Variants in SLC22A13 observed in about 807,000 individuals in gnomAD.
SLC22A13 encodes solute carrier family 22 member 13, also known as organic anion transporter 10.
A neutral mutation model predicts 49.1 loss-of-function variants in SLC22A13; 42 were observed. The observed-to-expected ratio is 0.85, with a 90% CI of 0.67 to 1.11. The LOEUF is 1.11. Ranked by LOEUF, SLC22A13 falls within the 50% of genes least tolerant of loss-of-function variation. SLC22A13 has a pLI of 0.00. For synonymous variants in SLC22A13, 282 were observed against 293.1 expected (o/e 0.96, Z 0.39); for missense variants, 694 against 712.8 (o/e 0.97, Z 0.30).
chr3:38,271,879 A>G (rs1703526992), intron 1 of SLC22A13, among the ~76,000 whole-genome samples: 2 of 152,102 alleles, frequency 1.3e-5, no homozygotes, highest in South Asian at 4.1e-4. Flanking sequence ...TAGGGGAGGG[A>G]TCCGGGATGG....
chr3:38,273,185 C>T (rs1347756878), intron 1 of SLC22A13, among the ~76,000 whole-genome samples: 2 of 152,130 alleles, frequency 1.3e-5, no homozygotes, highest in Admixed American at 6.5e-5. Flanking sequence ...CCCTAAGGGG[C>T]CCACAAACCC....
chr3:38,275,187 C>T, intron 4 of SLC22A13, 30 bp downstream of exon 4: 31 of 1,612,594 alleles, frequency 1.9e-5, no homozygotes, highest in Non-Finnish European at 2.5e-5. Context: ...GGAGCAAGCC[C>T]CCCCAGGTTA....
chr3:38,274,239 C>T, intron 1 of SLC22A13, 33 bp from the exon 2 acceptor site: 1 of 1,521,304 alleles, frequency 6.6e-7, no homozygotes, highest in Non-Finnish European at 9.1e-7. Context: ...TCCTTGCAGC[C>T]CCTGGACTCA....
At chr3:38,272,597 A>G (rs1212205549) in intron 1 of SLC22A13, among the ~76,000 whole-genome samples, 1 of 152,184 alleles carries the variant, frequency 6.6e-6, no homozygotes, top group East Asian at 1.9e-4. Context: ...CTAGACAAAA[A>G]CCAAACAGGA....
chr3:38,275,935 G>T lies in SLC22A13; in HGVS notation c.1076G>T (p.Gly359Val), dbSNP rs1456514391. The part of the protein sequence containing the change: ...YGLSLQVGDF[G>V]LDVYLTQLIF... ...CTGAGCCTCCAAGTGGGGGACTTCG[G>T]CCTGGACGTCTATCTGACGCAGCTC... Residue 359 changes from glycine (G) to valine (V), a missense_variant, in exon 7 of 10, where the codon GGC (glycine) becomes GTC (valine). Transcript: ENST00000311856. 6.4e-5 allele frequency: 103 copies of T among 1,614,114 alleles called. No individual in the cohort carries two copies. The highest frequency in any genetic ancestry group is 8.6e-5 in the Non-Finnish European group (102 of 1,180,048).
In SLC22A13 at chr3:38,276,968, C is replaced by T. The variant is rs1218847052; in HGVS notation, c.1403C>T (p.Pro468Leu). Residue 468 changes from proline (P) to leucine (L), a missense_variant, in exon 9 of 10, where the codon CCA becomes CTA. Transcript: ENST00000311856. ...IFSRIGGILT[P>L]LVILLGEYHA... ...TCACGGATCGGGGGCATCCTCACAC[C>T]ACTTGTGATCCTGCTGGGAGAGTAC... The T allele has an allele frequency of 3.7e-6, 6 of 1,613,802 alleles. No individual in the cohort carries two copies. Among genetic ancestry groups the T allele is most frequent in the Admixed American group, 1.7e-5 (1 of 59,980 alleles).
intron 1 of SLC22A13, among the ~76,000 whole-genome samples, chr3:38,271,153 C>T (rs566286739): frequency 6.6e-6 from 1 of 152,300 alleles, no homozygotes; most frequent in East Asian, 1.9e-4. Flanking sequence ...AACTTAAATG[C>T]AAACAATACT....
chr3:38,277,323 C>T (rs773385517), intron 9 of SLC22A13, 49 bp from the exon 10 acceptor site: 9 of 1,434,488 alleles, frequency 6.3e-6, no homozygotes, highest in Non-Finnish European at 8.8e-6. Flanking sequence ...AGGACACTGT[C>T]ATGGGACCAA....
intron 9 of SLC22A13, 41 bp downstream of exon 9, chr3:38,277,168 A>C (rs769963359): frequency 4.8e-6 from 7 of 1,466,432 alleles, no homozygotes; most frequent in African/African-American, 2.8e-5. Context: ...CTTGGGTCTC[A>C]CATTGGCCAC....
Position 38,276,354 on chromosome 3 carries a change from C to A in SLC22A13, c.1305C>A (p.Ile435=), listed in dbSNP as rs1703583894. The part of the protein sequence containing the change: ...GKMATAAAFT[I]SYVYSAELFP... ...TGGCCACAGCTGCTGCCTTTACCATCTCCTATGTGTACTCTGCCGAGCTTT... is the reference window on the plus strand; with the variant it reads ...TGGCCACAGCTGCTGCCTTTACCATATCCTATGTGTACTCTGCCGAGCTTT... The change falls in exon 8 of 10, where the codon ATC becomes ATA. Residue 435 remains isoleucine, a synonymous_variant. Transcript: ENST00000311856. The A allele has an allele frequency of 3.7e-6, 6 of 1,613,846 alleles. No individual in the cohort carries two copies. In the East Asian group the frequency reaches 1.3e-4, roughly 36 times the overall value.
At chr3:38,269,638 G>C (rs1168471271) in intron 1 of SLC22A13, among the ~76,000 whole-genome samples, 1 of 152,202 alleles carries the variant, frequency 6.6e-6, no homozygotes, top group Non-Finnish European at 1.5e-5. Flanking sequence ...GCTTTGGAGA[G>C]ATGTTCACAG....
chr3:38,271,359 G>A (rs1279052999), intron 1 of SLC22A13, among the ~76,000 whole-genome samples: 1 of 151,914 alleles, frequency 6.6e-6, no homozygotes, highest in Admixed American at 6.6e-5. Context: ...GAGCCCAAGA[G>A]TTCAAGACCA....
rs190555624 is a variant in SLC22A13, at chr3:38,276,572, T to C, written c.1346+177T>C. ...CCAAGCCCTCAAGTTGTCCCCAGAATGGTGGAGGACAGACAGGCAAGTAGG... is the reference window on the plus strand; with the variant it reads ...CCAAGCCCTCAAGTTGTCCCCAGAACGGTGGAGGACAGACAGGCAAGTAGG... On this transcript the variant is annotated intron_variant, in intron 8 of 9. Coordinates refer to ENST00000311856, the MANE Select transcript of SLC22A13 (RefSeq NM_004256.4). Among the ~76,000 whole-genome samples the C allele has an allele frequency of 5.9e-4, 89 of 152,128 alleles. 1 individual carries two copies. In the East Asian group the frequency reaches 0.015, roughly 26 times the overall value.
Position 38,276,164 on chromosome 3 carries a change from G to A in SLC22A13, c.1237+68G>A, listed in dbSNP as rs1212502566. 5.3e-6 allele frequency: 8 copies of A among 1,521,562 alleles called. No homozygotes were observed. In the East Asian group the frequency reaches 1.6e-4, roughly 30 times the overall value. 94.3% of individuals were successfully genotyped at this position (1,521,562 alleles called of 1,614,324 possible). On this transcript the variant is annotated intron_variant, in intron 7 of 9. Coordinates refer to ENST00000311856, the MANE Select transcript of SLC22A13 (RefSeq NM_004256.4). ...ACCGGCTGCCAGGGGCTAGACCAGT[G>A]GCCATTGTTCTGCTTCCAGGAGTAA...
In SLC22A13 at chr3:38,276,042, G is replaced by C. The variant is rs143545532; in HGVS notation, c.1183G>C (p.Gly395Arg). 6.2e-7 allele frequency: 1 copy of C among 1,614,110 alleles called. No homozygotes were observed. The highest frequency in any genetic ancestry group is 1.7e-5 in the Admixed American group (1 of 60,020). Reference sequence around the variant, plus strand: ...GTTTGGCCGCAAGTGGAGCCAGTTGGGGACCTTGGTCTTGGGTGGCCTGAT... The same window carrying C: ...GTTTGGCCGCAAGTGGAGCCAGTTGCGGACCTTGGTCTTGGGTGGCCTGAT... ...QRFGRKWSQL[G>R]TLVLGGLMCI... is the part of the protein sequence containing the mutation. The change falls in exon 7 of 10, where the codon GGG (glycine) becomes CGG (arginine). Residue 395 changes from glycine to arginine, a missense_variant. Physicochemically the swap from Gly to Arg is moderately radical, Grantham distance 125. Coordinates refer to ENST00000311856, the MANE Select transcript of SLC22A13 (RefSeq NM_004256.4).
chr3:38,268,349 C>T (rs1015162073), intron 1 of SLC22A13, among the ~76,000 whole-genome samples: 9 of 152,172 alleles, frequency 5.9e-5, no homozygotes, highest in Non-Finnish European at 1.0e-4. Flanking sequence ...AACCTCAGCT[C>T]CTCGATGAAG....
intron 9 of SLC22A13, 85 bp downstream of exon 9, chr3:38,277,212 T>C: frequency 1.7e-6 from 2 of 1,174,002 alleles, no homozygotes; most frequent in South Asian, 2.8e-5. Context: ...ACCTCATCAC[T>C]CGTCCACTGT....
At position 38,275,997 on chromosome 3, in the gene SLC22A13, A is replaced by G; in HGVS notation, c.1138A>G (p.Ser380Gly). Residue 380 changes from serine (S) to glycine (G), a missense_variant, in exon 7 of 10, where the codon AGC (serine) becomes GGC (glycine). Physicochemically the swap from Ser to Gly is moderately conservative, Grantham distance 56. Transcript: ENST00000311856. ...TGTTGAGGTGCCTGCCCGCTGTTCC[A>G]GCATCTTCATGATGCAGAGGTTTGG... ...GAVEVPARCS[S>G]IFMMQRFGRK... The G allele has an allele frequency of 1.2e-6, 2 of 1,614,176 alleles. No individual in the cohort carries two copies. The highest frequency in any genetic ancestry group is 1.1e-5 in the South Asian group (1 of 91,078).
At position 38,266,124 on chromosome 3, in the gene SLC22A13, AC is replaced by A; in HGVS notation, c.270del (p.Ala91ProfsTer33). 4 of 1,608,444 alleles carry A rather than the reference AC, an allele frequency of 2.5e-6. No individual in the cohort carries two copies. The highest frequency in any genetic ancestry group is 2.3e-5 in the East Asian group (1 of 44,440). On this transcript the variant is annotated frameshift_variant, in exon 1 of 10. Coordinates refer to ENST00000311856, the MANE Select transcript of SLC22A13 (RefSeq NM_004256.4). LOFTEE classifies it high-confidence loss of function. ...CAGAGCCCTGCCTCATGTTCCGGCC[AC>A]CCCCCGCCAATGCCAGCCTGCAGGA... The part of the protein sequence containing the change: ...HPEPCLMFRP[P>X]PANASLQDIL...
Sources: allele counts gnomAD v4.1 joint callset (sites outside exome capture counted in the v4.1 genomes callset), GRCh38; gene constraint gnomAD v4.1.1; transcripts MANE v1.5; gene names NCBI Gene and HGNC (gene_info 2026-07-23, HGNC 2026-07-21).